Variants in GMFB observed in about 807,000 individuals in gnomAD.
GMFB encodes GMF-beta.
A neutral mutation model predicts 25.6 loss-of-function variants in GMFB; 13 were observed. That is an observed-to-expected ratio of 0.51 (90% confidence interval 0.33 to 0.81). The LOEUF is 0.81. Among genes scored for constraint, GMFB ranks in the 30% least tolerant of loss-of-function variants. The pLI is 0.02. For missense variants in GMFB, 146 were observed against 175.4 expected (o/e 0.83, Z 0.95); for synonymous variants, 57 against 56.9 (o/e 1.00, Z 0.00).
chr14:54,482,278 CT>C (rs1004821258), intron 2 of GMFB, 76 bp from the exon 3 acceptor site: 85 of 886,102 alleles, frequency 9.6e-5, no homozygotes, highest in South Asian at 1.9e-4. Context: ...CAATCTCAGC[CT>C]TTTTTTTCGG....
chr14:54,488,894 T>G (rs972055663), intron 1 of GMFB, 31 bp downstream of exon 1: 2 of 1,551,634 alleles, frequency 1.3e-6, no homozygotes, highest in African/African-American at 2.8e-5. Context: ...CGCCCAGCCC[T>G]CCGGCCCCCG....
At chr14:54,488,168 T>C (rs2031815249) in intron 1 of GMFB, among the ~76,000 whole-genome samples, 1 of 152,224 alleles carries the variant, frequency 6.6e-6, no homozygotes, top group Admixed American at 6.5e-5. Context: ...TAATGAAATT[T>C]ACCCATATTT....
At position 54,474,823 on chromosome 14, in the gene GMFB, G is replaced by A. The variant is rs1043299520; in HGVS notation, c.*3265C>T. On this transcript the variant is annotated 3_prime_UTR_variant, in exon 7 of 7. Coordinates refer to ENST00000358056, the MANE Select transcript of GMFB (RefSeq NM_004124.3). ...ATACAATTTCTATCACAAGTTTACT[G>A]TATATGAGCACTGATTTGAAATGTC... 2.6e-5 allele frequency: 4 copies of A among 152,628 alleles called. No homozygotes were observed. Among genetic ancestry groups the A allele is most frequent in the African/African-American group, 9.6e-5 (4 of 41,464 alleles). 9.5% of individuals were successfully genotyped at this position (152,628 alleles called of 1,614,324 possible). A position where few individuals can be genotyped will look rare whatever the true frequency, so the allele number is the denominator to read the frequency against.
chr14:54,488,112 C>T (rs9323267), intron 1 of GMFB, among the ~76,000 whole-genome samples: 32,048 of 152,128 alleles, frequency 0.21, 4,108 homozygotes, highest in African/African-American at 0.36. Context: ...TGAAAGTGGG[C>T]TGAGAATTGA....
rs1193962386 is a variant in GMFB at position 54,484,033 on chromosome 14, C to T, written c.4-266G>A. On this transcript the variant is annotated intron_variant, in intron 1 of 6. Transcript: ENST00000358056. Reference sequence around the variant, plus strand: ...GCTAATGAATGTCTCAAAAACCACACACATAATAATGTGCAATGTCATCAG... The same window carrying T: ...GCTAATGAATGTCTCAAAAACCACATACATAATAATGTGCAATGTCATCAG... 31 of 550,594 alleles carry T rather than the reference C, an allele frequency of 5.6e-5. 2 individuals carry two copies. The highest frequency in any genetic ancestry group is 4.7e-4 in the South Asian group (29 of 62,338). The allele number at this position is 550,594 out of a possible 1,614,324, so 34.1% of individuals were successfully genotyped here.
intron 1 of GMFB, among the ~76,000 whole-genome samples, chr14:54,488,407 A>C (rs1315664580): frequency 6.6e-6 from 1 of 152,238 alleles, no homozygotes; most frequent in African/African-American, 2.4e-5. Flanking sequence ...CTCTGTAGGA[A>C]GCTAGGGAAA....
intron 5 of GMFB, chr14:54,480,277 T>C (rs1176960854): frequency 3.7e-5 from 6 of 160,964 alleles, no homozygotes; most frequent in Non-Finnish European, 1.3e-5. Flanking sequence ...GCCGATATAT[T>C]AAGTTAAAAA....
intron 1 of GMFB, 144 bp downstream of exon 1, chr14:54,488,781 T>C: frequency 1.7e-6 from 1 of 603,268 alleles, no homozygotes; most frequent in East Asian, 3.4e-5. Context: ...ACTCTAGCTA[T>C]GGGCACTGGC....
At chr14:54,484,879 G>T (rs912714629) in intron 1 of GMFB, among the ~76,000 whole-genome samples, 1 of 152,140 alleles carries the variant, frequency 6.6e-6, no homozygotes, top group South Asian at 2.1e-4. Context: ...GGTTCAACAT[G>T]GGCAAATCAA....
At chr14:54,481,749 G>A (rs1397312011) in intron 3 of GMFB, among the ~76,000 whole-genome samples, 2 of 152,082 alleles carry the variant, frequency 1.3e-5, no homozygotes, top group Non-Finnish European at 2.9e-5. Context: ...ACATAAGCCA[G>A]TATCTTAGCG....
chr14:54,488,707 G>A (rs1415115442), intron 1 of GMFB: 3 of 493,270 alleles, frequency 6.1e-6, no homozygotes, highest in Non-Finnish European at 1.1e-5. Flanking sequence ...CGCTGGGCGG[G>A]TCCACCCCGG....
At chr14:54,484,134 A>G (rs1450294742) in intron 1 of GMFB, 3 of 296,850 alleles carry the variant, frequency 1.0e-5, no homozygotes, top group African/African-American at 6.7e-5. Flanking sequence ...CAAGCATACT[A>G]TTTTTACACA....
chr14:54,485,161 G>A (rs931561705), intron 1 of GMFB, among the ~76,000 whole-genome samples: 5 of 151,656 alleles, frequency 3.3e-5, no homozygotes, highest in African/African-American at 9.7e-5. Context: ...CATAGTACTG[G>A]GAGTCCTAGC....
At chr14:54,486,696 CCTTTT>C (rs1264645188) in intron 1 of GMFB, among the ~76,000 whole-genome samples, 4 of 152,148 alleles carry the variant, frequency 2.6e-5, no homozygotes, top group African/African-American at 9.7e-5. Context: ...ACATAGATTT[CCTTTT>C]ATGTTCAAAA....
chr14:54,481,550 AATTT>A, intron 3 of GMFB, 92 bp from the exon 4 acceptor site: 1 of 767,456 alleles, frequency 1.3e-6, no homozygotes, highest in South Asian at 1.5e-5. Flanking sequence ...AACAGTTATA[AATTT>A]ATTACCACAT....
At position 54,478,060 on chromosome 14, in the gene GMFB, A is replaced by T; in HGVS notation, c.*28T>A. ...TTCCAGTATGGTCAGGTTAATACAT[A>T]AATACTTTAGAAACACAGAAGTTCA... On this transcript the variant is annotated 3_prime_UTR_variant, in exon 7 of 7. Coordinates refer to ENST00000358056, the MANE Select transcript of GMFB (RefSeq NM_004124.3). 9.3e-7 allele frequency: 1 copy of T among 1,071,468 alleles called. No individual in the cohort carries two copies. Among genetic ancestry groups the T allele is most frequent in the African/African-American group, 1.6e-5 (1 of 62,274 alleles). The allele number at this position is 1,071,468 out of a possible 1,614,324, so 66.4% of individuals were successfully genotyped here.
Position 54,488,941 on chromosome 14 carries a change from G to T in GMFB, c.-14C>A, listed in dbSNP as rs766053562. 1.9e-6 allele frequency: 3 copies of T among 1,559,706 alleles called. No individual in the cohort carries two copies. The highest frequency in any genetic ancestry group is 3.8e-5 in the Admixed American group (2 of 52,572). ...GCAACTCACCATTTTCCTTCCGGCC[G>T]TCAGCGGCCTGTCGCCTACACTCGG... On this transcript the variant is annotated 5_prime_UTR_variant, in exon 1 of 7. Transcript: ENST00000358056.
chr14:54,479,736 A>C, intron 6 of GMFB, 50 bp downstream of exon 6: 1 of 1,069,244 alleles, frequency 9.4e-7, no homozygotes, highest in South Asian at 1.3e-5. Context: ...ATTGCTTTAT[A>C]GTCTAAAGGA....
chr14:54,480,721 C>A, intron 5 of GMFB, 153 bp downstream of exon 5: 2 of 534,850 alleles, frequency 3.7e-6, no homozygotes, highest in South Asian at 5.5e-5. Context: ...GGGATGCATG[C>A]ACACAGGCAC....
Sources: allele counts gnomAD v4.1 joint callset (sites outside exome capture counted in the v4.1 genomes callset), GRCh38; gene constraint gnomAD v4.1.1; transcripts MANE v1.5; gene names NCBI Gene and HGNC (gene_info 2026-07-23, HGNC 2026-07-21).